The following FAT3 variants were observed in gnomAD, a reference collection of about 807,000 sequenced individuals.
FAT3 encodes the protein protocadherin Fat 3.
A neutral mutation model predicts 310.2 loss-of-function variants in FAT3; 95 were observed. The observed-to-expected ratio is 0.31, with a 90% CI of 0.26 to 0.36. FAT3 has a LOEUF of 0.36. Ranked by LOEUF, FAT3 falls within the 10% of genes least tolerant of loss-of-function variation. The pLI is 1.00. For synonymous variants in FAT3, 2,314 were observed against 2,192.9 expected (o/e 1.06, Z -1.54); for missense variants, 5,408 against 5,715.6 (o/e 0.95, Z 1.74).
At chr11:92,733,767 A>G (rs1377714677) in intron 4 of FAT3, among the ~76,000 whole-genome samples, 1 of 152,208 alleles carries the variant, frequency 6.6e-6, no homozygotes, top group East Asian at 1.9e-4. Flanking sequence ...GACCTTAGAT[A>G]TATGGGATGA....
intron 4 of FAT3, among the ~76,000 whole-genome samples, chr11:92,743,481 T>C (rs1023737347): frequency 6.6e-6 from 1 of 152,176 alleles, no homozygotes; most frequent in African/African-American, 2.4e-5. Flanking sequence ...GACCAAGAAA[T>C]ATAACTGACA....
At chr11:92,442,420 A>G (rs994796042) in intron 2 of FAT3, among the ~76,000 whole-genome samples, 8 of 151,320 alleles carry the variant, frequency 5.3e-5, no homozygotes, top group African/African-American at 1.9e-4. Flanking sequence ...GCCAGGAAAT[A>G]TATTTGAGCA....
chr11:92,728,025 C>G (rs890795032), intron 4 of FAT3, among the ~76,000 whole-genome samples: 1 of 152,176 alleles, frequency 6.6e-6, no homozygotes, highest in Admixed American at 6.6e-5. Context: ...CACAAGTGTA[C>G]TGAACAACTG....
intron 3 of FAT3, among the ~76,000 whole-genome samples, chr11:92,655,904 C>A (rs1186670702): frequency 1.3e-5 from 2 of 152,196 alleles, no homozygotes; most frequent in African/African-American, 4.8e-5. Flanking sequence ...ATTACGTCTT[C>A]ATTTAGTCCT....
chr11:92,416,898 C>T (rs1950429147), intron 2 of FAT3, among the ~76,000 whole-genome samples: 1 of 152,110 alleles, frequency 6.6e-6, no homozygotes, highest in African/African-American at 2.4e-5. Context: ...TTGGTTGGAG[C>T]AGATGATGAT....
At chr11:92,469,298 C>A (rs1251870631) in intron 2 of FAT3, among the ~76,000 whole-genome samples, 1 of 152,022 alleles carries the variant, frequency 6.6e-6, no homozygotes, top group Non-Finnish European at 1.5e-5. Context: ...CTTTTTAAAA[C>A]CCTGATTTAT....
chr11:92,885,367 A>C (rs557654274), intron 24 of FAT3, among the ~76,000 whole-genome samples: 1 of 152,300 alleles, frequency 6.6e-6, no homozygotes, highest in Admixed American at 6.5e-5. Context: ...CCTAACTAGC[A>C]AAAGGAGAAG....
At chr11:92,643,797 T>C (rs926807298) in intron 3 of FAT3, among the ~76,000 whole-genome samples, 10 of 152,220 alleles carry the variant, frequency 6.6e-5, no homozygotes, top group Non-Finnish European at 1.3e-4. Context: ...TAAGCACTTT[T>C]GTTCTCATAC....
At chr11:92,567,714 T>G (rs1225954268) in intron 3 of FAT3, among the ~76,000 whole-genome samples, 4 of 152,064 alleles carry the variant, frequency 2.6e-5, no homozygotes, top group African/African-American at 9.7e-5. Flanking sequence ...CCATAAAAAA[T>G]GATGAGTTCA....
intron 3 of FAT3, among the ~76,000 whole-genome samples, chr11:92,547,291 T>C (rs1431407655): frequency 6.6e-6 from 1 of 152,166 alleles, no homozygotes; most frequent in East Asian, 1.9e-4. Flanking sequence ...TTCAAGAGAC[T>C]CTACAAAGTA....
chr11:92,478,472 A>G (rs1002414129), intron 2 of FAT3, among the ~76,000 whole-genome samples: 4 of 152,182 alleles, frequency 2.6e-5, no homozygotes, highest in Non-Finnish European at 4.4e-5. Flanking sequence ...TATTGCTTCC[A>G]ACGAGTTCCT....
At chr11:92,881,018 A>C in intron 23 of FAT3, 134 bp downstream of exon 23, 1 of 950,658 alleles carries the variant, frequency 1.1e-6, no homozygotes, top group Non-Finnish European at 1.6e-6. Context: ...CGATACGTAT[A>C]AGGAGTGCTT....
intron 13 of FAT3, among the ~76,000 whole-genome samples, chr11:92,824,001 T>A (rs984988807): frequency 6.6e-6 from 1 of 152,190 alleles, no homozygotes; most frequent in Non-Finnish European, 1.5e-5. Context: ...TTATTTGCCT[T>A]CCACAGAGAA....
rs78312630 is a variant in FAT3, at chr11:92,515,500, G to A, written c.3293-9134G>A. On this transcript the variant is annotated intron_variant, in intron 2 of 27. Transcript: ENST00000525166. ...TCTATCAGAGGGGAAAAATGTCTTT[G>A]GATATGATACTGTATCTGGGTTTTG... Among the ~76,000 whole-genome samples the A allele has an allele frequency of 6.4e-4, 97 of 152,140 alleles. 1 individual carries two copies. The East Asian group carries it at 0.018, about 28-fold the overall frequency.
At chr11:92,601,864 T>C (rs1382129604) in intron 3 of FAT3, among the ~76,000 whole-genome samples, 1 of 151,970 alleles carries the variant, frequency 6.6e-6, no homozygotes, top group Non-Finnish European at 1.5e-5. Context: ...AAAATAGCAG[T>C]GCAGCCAGGT....
intron 1 of FAT3, among the ~76,000 whole-genome samples, chr11:92,343,199 G>C (rs1206839103): frequency 6.6e-6 from 1 of 152,102 alleles, no homozygotes; most frequent in African/African-American, 2.4e-5. Flanking sequence ...ACCACTCTTA[G>C]ACAGGAAGAT....
chr11:92,851,804 C>A (rs1377251403), intron 19 of FAT3, among the ~76,000 whole-genome samples: 2 of 152,200 alleles, frequency 1.3e-5, no homozygotes, highest in East Asian at 3.8e-4. Flanking sequence ...TGCATTACTT[C>A]ATGATAGCTA....
intron 4 of FAT3, among the ~76,000 whole-genome samples, chr11:92,710,739 C>G (rs922270021): frequency 2.0e-5 from 3 of 152,180 alleles, no homozygotes; most frequent in Non-Finnish European, 4.4e-5. Context: ...TGCTTTGATA[C>G]ATGCACAAAA....
At chr11:92,275,245 C>T (rs779995122) in intron 1 of FAT3, among the ~76,000 whole-genome samples, 40 of 152,126 alleles carry the variant, frequency 2.6e-4, no homozygotes, top group Middle Eastern at 3.4e-3. Flanking sequence ...CTCTCCAAGA[C>T]GTTTATCTCT....
Sources: gnomAD v4.1 joint callset for allele counts (sites outside exome capture counted in the v4.1 genomes callset) on GRCh38, gnomAD v4.1.1 for gene constraint, MANE v1.5 for transcripts, NCBI Gene and HGNC (gene_info 2026-07-23, HGNC 2026-07-21) for gene names.